The following FOXP1 variants were observed in gnomAD, a reference collection of about 807,000 sequenced individuals.
FOXP1 encodes forkhead box P1, also known as forkhead box protein P1.
A neutral mutation model predicts 98.2 loss-of-function variants in FOXP1; 15 were observed. The observed-to-expected ratio is 0.15, with a 90% confidence interval of 0.10 to 0.24. FOXP1 has a LOEUF of 0.24. Ranked by LOEUF, FOXP1 falls within the 10% of genes least tolerant of loss-of-function variation. FOXP1 has a pLI of 1.00. For synonymous variants in FOXP1, 371 were observed against 314.5 expected (o/e 1.18, Z -1.90); for missense variants, 633 against 848.5 (o/e 0.75, Z 3.15).
intron 6 of FOXP1, among the ~76,000 whole-genome samples, chr3:71,174,826 A>ACCCC (rs1553768004): frequency 5.4e-5 from 8 of 147,226 alleles, no homozygotes; most frequent in Admixed American, 5.4e-4. Context: ...ACACACACAC[A>ACCCC]CCCCAATATA....
intron 7 of FOXP1, among the ~76,000 whole-genome samples, chr3:71,096,145 G>A (rs1019724541): frequency 8.5e-5 from 13 of 152,172 alleles, no homozygotes; most frequent in Non-Finnish European, 1.9e-4. Flanking sequence ...CTGAAATAAG[G>A]TCAGAGAGTT....
intron 13 of FOXP1, among the ~76,000 whole-genome samples, chr3:70,999,579 A>G (rs2041852535): frequency 6.6e-6 from 1 of 152,256 alleles, no homozygotes; most frequent in African/African-American, 2.4e-5. Context: ...TAATAAGTTT[A>G]TATCCAGAGT....
intron 6 of FOXP1, among the ~76,000 whole-genome samples, chr3:71,121,095 GT>G: frequency 6.8e-6 from 1 of 146,972 alleles, no homozygotes; most frequent in Admixed American, 6.8e-5. Context: ...TTACGCAAAT[GT>G]TTTCCTGCAC....
intron 5 of FOXP1, among the ~76,000 whole-genome samples, chr3:71,248,931 A>C (rs112766855): frequency 0.013 from 1,909 of 152,300 alleles, 22 homozygotes; most frequent in Middle Eastern, 0.031. Flanking sequence ...ATCACAAAAA[A>C]GCCAGTGGGA....
intron 12 of FOXP1, among the ~76,000 whole-genome samples, chr3:71,012,574 T>C (rs1417531606): frequency 6.6e-6 from 1 of 152,200 alleles, no homozygotes; most frequent in Non-Finnish European, 1.5e-5. Flanking sequence ...AAGAAAGCTA[T>C]GAAATAGATT....
Position 71,413,285 on chromosome 3 carries a change from CACACA to C in FOXP1, c.-167-54046_-167-54042del, listed in dbSNP as rs2082934381. 2.7e-4 allele frequency among the ~76,000 whole-genome samples: 37 copies of C among 138,290 alleles called. No homozygotes were observed. In the South Asian group the frequency reaches 7.4e-3, roughly 28 times the overall value. The allele number at this position is 138,290 out of a possible 152,430, so 90.7% of individuals were successfully genotyped here. Reference sequence around the variant, plus strand: ...ACACACACACACACACACACACACACACACACCCAAAACAGCCAACCAGTATGGAA... The same window carrying C: ...ACACACACACACACACACACACACACCCCAAAACAGCCAACCAGTATGGAA... On this transcript the variant is annotated intron_variant, in intron 3 of 20. Coordinates refer to ENST00000649528, the MANE Select transcript of FOXP1 (RefSeq NM_001349338.3).
chr3:71,345,734 G>C (rs981087606), intron 4 of FOXP1, among the ~76,000 whole-genome samples: 1 of 151,956 alleles, frequency 6.6e-6, no homozygotes, highest in African/African-American at 2.4e-5. Context: ...GCACTGCTGA[G>C]AGCAGGCGGC....
chr3:71,367,079 A>G (rs777741575), intron 3 of FOXP1, among the ~76,000 whole-genome samples: 1 of 152,184 alleles, frequency 6.6e-6, no homozygotes, highest in Non-Finnish European at 1.5e-5. Context: ...TCTTGATCAC[A>G]AAGTTTGGCA....
At chr3:71,421,154 T>C (rs1264514526) in intron 3 of FOXP1, among the ~76,000 whole-genome samples, 1 of 152,038 alleles carries the variant, frequency 6.6e-6, no homozygotes, top group African/African-American at 2.4e-5. Context: ...ATTCCCAGAG[T>C]TAGGTGTTTC....
chr3:71,139,492 T>TAAA (rs913590340), intron 6 of FOXP1, among the ~76,000 whole-genome samples: 4 of 142,888 alleles, frequency 2.8e-5, no homozygotes, highest in African/African-American at 7.7e-5. Flanking sequence ...GTAGAGTGAT[T>TAAA]AAAAAAAAAA....
chr3:71,066,488 A>C (rs1402178286), intron 7 of FOXP1, among the ~76,000 whole-genome samples: 1 of 152,202 alleles, frequency 6.6e-6, no homozygotes, highest in Non-Finnish European at 1.5e-5. Flanking sequence ...GCGAGGTAGA[A>C]GGACCTTAAA....
rs191825706 is a variant in FOXP1, at chr3:71,410,543, C to T, written c.-167-51299G>A. On this transcript the variant is annotated intron_variant, in intron 3 of 20. Transcript: ENST00000649528. ...TATAAGCTGTGTCCTTATGATTATG[C>T]AGTCAAAAAGGCATCCATGGGTTTT... Among the ~76,000 whole-genome samples, 8 of 152,326 alleles carry T rather than the reference C, an allele frequency of 5.3e-5. No homozygotes were observed. The East Asian group carries it at 1.3e-3, about 26-fold the overall frequency.
intron 6 of FOXP1, among the ~76,000 whole-genome samples, chr3:71,138,923 A>T (rs79183399): frequency 6.6e-6 from 1 of 152,262 alleles, no homozygotes; most frequent in East Asian, 1.9e-4. Context: ...AAAAAAAAAG[A>T]TATTTATTAC....
intron 6 of FOXP1, among the ~76,000 whole-genome samples, chr3:71,181,905 G>T (rs2062321275): frequency 6.6e-6 from 1 of 151,764 alleles, no homozygotes; most frequent in African/African-American, 2.4e-5. Context: ...CATGGTGGTG[G>T]GTGCCTGTAG....
At chr3:71,146,947 C>T (rs2060339560) in intron 6 of FOXP1, among the ~76,000 whole-genome samples, 2 of 152,330 alleles carry the variant, frequency 1.3e-5, no homozygotes, top group South Asian at 2.1e-4. Context: ...TACTTGCTGG[C>T]GCCCAGTGAG....
chr3:71,547,829 C>T (rs2045483477), intron 2 of FOXP1, among the ~76,000 whole-genome samples: 1 of 152,156 alleles, frequency 6.6e-6, no homozygotes, highest in Non-Finnish European at 1.5e-5. Flanking sequence ...TCATCACCTC[C>T]CATATTTATG....
At chr3:71,355,231 G>T (rs2078069271) in intron 4 of FOXP1, among the ~76,000 whole-genome samples, 1 of 152,204 alleles carries the variant, frequency 6.6e-6, no homozygotes, top group African/African-American at 2.4e-5. Context: ...CCCAGACTCT[G>T]ACTGATTCAA....
rs1445883667 is a variant in FOXP1, at chr3:71,152,191, C to T, written c.181-39554G>A. Among the ~76,000 whole-genome samples, 54 of 152,112 alleles carry T rather than the reference C, an allele frequency of 3.6e-4. 1 individual carries two copies. Among genetic ancestry groups the T allele is most frequent in the Admixed American group, 3.5e-3 (53 of 15,266 alleles). ...GGGCTGTGTTGTGGAGAGGGCCACA[C>T]ATAGGAAACAGTGGGTGGTCTCCAT... On this transcript the variant is annotated intron_variant, in intron 6 of 20. Coordinates refer to ENST00000649528, the MANE Select transcript of FOXP1 (RefSeq NM_001349338.3).
intron 6 of FOXP1, among the ~76,000 whole-genome samples, chr3:71,183,420 A>T (rs924319073): frequency 6.6e-5 from 10 of 151,942 alleles, no homozygotes; most frequent in African/African-American, 2.4e-4. Context: ...AATCGCTTGA[A>T]CCCAGGAGGC....
Sources: allele counts gnomAD v4.1 joint callset (sites outside exome capture counted in the v4.1 genomes callset), GRCh38; gene constraint gnomAD v4.1.1; transcripts MANE v1.5; gene names NCBI Gene and HGNC (gene_info 2026-07-23, HGNC 2026-07-21).